PPFIA2: variants seen among roughly 807,000 people sequenced by gnomAD.
PPFIA2 encodes PPFI scaffold protein A2.
A neutral mutation model predicts 175.5 loss-of-function variants in PPFIA2; 46 were observed. The ratio of observed to expected loss-of-function variants is 0.26; its 90% CI spans 0.21 to 0.34. The LOEUF (loss-of-function observed/expected upper bound fraction) is 0.34. Among genes scored for constraint, PPFIA2 ranks in the 10% least tolerant of loss-of-function variants. PPFIA2 has a pLI of 1.00. For missense variants in PPFIA2, 1,179 were observed against 1,506.1 expected, an observed-to-expected ratio of 0.78 and a Z score of 3.60; for synonymous variants, 568 against 511.4, an observed-to-expected ratio of 1.11 and a Z score of -1.49.
intron 3 of PPFIA2, among the ~76,000 whole-genome samples, chr12:81,717,598 C>T (rs1209526491): frequency 6.6e-6 from 1 of 151,658 alleles, no homozygotes. Context: ...TGCTGCTCTT[C>T]CTAAAATAGT....
chr12:81,692,025 C>G (rs1852693340), intron 3 of PPFIA2, among the ~76,000 whole-genome samples: 1 of 151,856 alleles, frequency 6.6e-6, no homozygotes, highest in East Asian at 1.9e-4. Context: ...GTCTTCTTGT[C>G]TCTCCTGTGA....
At chr12:81,518,068 A>G (rs923060195) in intron 4 of PPFIA2, among the ~76,000 whole-genome samples, 1 of 152,158 alleles carries the variant, frequency 6.6e-6, no homozygotes, top group Non-Finnish European at 1.5e-5. Flanking sequence ...GTGCACATGT[A>G]CCCTAGAACT....
intron 4 of PPFIA2, among the ~76,000 whole-genome samples, chr12:81,552,907 G>A (rs1021775128): frequency 1.6e-4 from 25 of 152,056 alleles, no homozygotes; most frequent in African/African-American, 5.6e-4. Context: ...TAGTTGTAAT[G>A]TAGCCTATTA....
At chr12:81,652,083 T>C (rs189038575) in intron 4 of PPFIA2, among the ~76,000 whole-genome samples, 3 of 151,752 alleles carry the variant, frequency 2.0e-5, no homozygotes, top group Middle Eastern at 3.4e-3. Flanking sequence ...AGATCTTTTC[T>C]AGTTCTACAT....
At chr12:81,287,114 T>C (rs899875469) in intron 24 of PPFIA2, among the ~76,000 whole-genome samples, 2 of 151,922 alleles carry the variant, frequency 1.3e-5, no homozygotes, top group African/African-American at 2.4e-5. Flanking sequence ...TGAGTGGGTA[T>C]ACTGTTGGTT....
At chr12:81,609,474 C>A (rs2153465179) in intron 4 of PPFIA2, among the ~76,000 whole-genome samples, 1 of 152,214 alleles carries the variant, frequency 6.6e-6, no homozygotes, top group South Asian at 2.1e-4. Context: ...GGTATGTATA[C>A]ATTTAGAATG....
At chr12:81,499,231 CTCTA>C (rs1445929522) in intron 4 of PPFIA2, among the ~76,000 whole-genome samples, 3 of 152,206 alleles carry the variant, frequency 2.0e-5, no homozygotes, top group Non-Finnish European at 4.4e-5. Flanking sequence ...CACATCTGTT[CTCTA>C]TCTTTTATGA....
At chr12:81,562,623 G>A (rs1311499300) in intron 4 of PPFIA2, among the ~76,000 whole-genome samples, 2 of 151,452 alleles carry the variant, frequency 1.3e-5, no homozygotes, top group Admixed American at 6.6e-5. Flanking sequence ...CGAGGCGGGC[G>A]GATCACGAGG....
At chr12:81,564,095 A>C (rs1247450144) in intron 4 of PPFIA2, among the ~76,000 whole-genome samples, 1 of 152,190 alleles carries the variant, frequency 6.6e-6, no homozygotes, top group Non-Finnish European at 1.5e-5. Flanking sequence ...AACATCACAC[A>C]CTCATTTTGC....
chr12:81,463,375 A>G (rs2055004842), intron 4 of PPFIA2, among the ~76,000 whole-genome samples: 1 of 152,116 alleles, frequency 6.6e-6, no homozygotes, highest in African/African-American at 2.4e-5. Context: ...AATCAGTGAG[A>G]TAAGAGAATT....
intron 7 of PPFIA2, among the ~76,000 whole-genome samples, chr12:81,412,217 ATAT>A (rs1228125681): frequency 1.3e-5 from 2 of 151,764 alleles, no homozygotes; most frequent in Non-Finnish European, 2.9e-5. Flanking sequence ...GGTTTAATAA[ATAT>A]TAATACATTT....
At chr12:81,294,752 G>T in intron 24 of PPFIA2, 83 bp downstream of exon 24, 1 of 1,247,794 alleles carries the variant, frequency 8.0e-7, no homozygotes, top group Non-Finnish European at 1.2e-6. Flanking sequence ...TGAAATGTGT[G>T]CTGTCACAAT....
chr12:81,328,958 T>C (rs1209082758), intron 21 of PPFIA2, among the ~76,000 whole-genome samples: 1 of 151,894 alleles, frequency 6.6e-6, no homozygotes, highest in Non-Finnish European at 1.5e-5. Context: ...TGTGTGCCAC[T>C]ATGCCCGGCT....
chr12:81,441,430 A>T (rs114581433), intron 6 of PPFIA2, among the ~76,000 whole-genome samples: 15,064 of 152,020 alleles, frequency 0.099, 869 homozygotes, highest in Middle Eastern at 0.16. Context: ...AATAATACAC[A>T]CATAAATGGA....
chr12:81,490,514 G>A (rs2059314649), intron 4 of PPFIA2, among the ~76,000 whole-genome samples: 1 of 151,866 alleles, frequency 6.6e-6, no homozygotes, highest in Non-Finnish European at 1.5e-5. Context: ...GCAAAAATAA[G>A]AGCACTAAGT....
At chr12:81,406,397 T>TA (rs929523055) in intron 7 of PPFIA2, among the ~76,000 whole-genome samples, 4 of 151,404 alleles carry the variant, frequency 2.6e-5, no homozygotes, top group South Asian at 2.1e-4. Flanking sequence ...CAGCTGAACT[T>TA]AAAAAAAAAT....
intron 3 of PPFIA2, among the ~76,000 whole-genome samples, chr12:81,725,796 A>G (rs1412891670): frequency 6.6e-6 from 1 of 150,978 alleles, no homozygotes; most frequent in East Asian, 1.9e-4. Flanking sequence ...ATGGAAGCAT[A>G]AAGTAAAAAA....
At chr12:81,650,484 C>T (rs77946817) in intron 4 of PPFIA2, among the ~76,000 whole-genome samples, 2,098 of 151,672 alleles carry the variant, frequency 0.014, 41 homozygotes, top group African/African-American at 0.041. Context: ...AAATAAAATC[C>T]CTAATGCATA....
chr12:81,433,169 G>C (rs569735573), intron 7 of PPFIA2, among the ~76,000 whole-genome samples: 1 of 152,114 alleles, frequency 6.6e-6, no homozygotes, highest in South Asian at 2.1e-4. Flanking sequence ...TTCACACCCT[G>C]ACTTTTATCA....
Sources: allele counts gnomAD v4.1 joint callset (sites outside exome capture counted in the v4.1 genomes callset), GRCh38; gene constraint gnomAD v4.1.1; transcripts MANE v1.5; gene names NCBI Gene and HGNC (gene_info 2026-07-23, HGNC 2026-07-21).